The following IFFO2 variants were observed in gnomAD, a reference collection of about 807,000 sequenced individuals.
IFFO2 encodes the protein intermediate filament family orphan 2.
Under a neutral mutation model 53.5 loss-of-function variants are expected in IFFO2, and 19 were observed. The observed-to-expected ratio is 0.36, with a 90% CI of 0.25 to 0.52. The LOEUF is 0.52. IFFO2 is among the 20% of genes least tolerant of loss of function. The probability of loss-of-function intolerance (pLI) is 0.94; values close to 1 mark genes in which losing one functional copy is unlikely to be tolerated. For missense variants in IFFO2, 570 were observed against 727.4 expected, an observed-to-expected ratio of 0.78 and a Z score of 2.49; for synonymous variants, 303 against 313.6, an observed-to-expected ratio of 0.97 and a Z score of 0.36.
In IFFO2 at chr1:18,956,450, G is replaced by A. The variant is rs4912132; in HGVS notation, c.-118C>T. Reference sequence around the variant, plus strand: ...GCGCGGGCTCCAGCGCGGCCGGCCGGGCGGTTCCAGATGCGCGCCAGATGC... The same window carrying A: ...GCGCGGGCTCCAGCGCGGCCGGCCGAGCGGTTCCAGATGCGCGCCAGATGC... On this transcript the variant is annotated 5_prime_UTR_variant, in exon 1 of 9. Transcript: ENST00000455833. The surrounding 1 kb of genome is among the most constrained non-coding windows in gnomAD (Gnocchi z 6.4). The A allele has an allele frequency of 0.31, 49,202 of 160,414 alleles. 8,294 individuals are homozygous for A. Among genetic ancestry groups the A allele is most frequent in the East Asian group, 0.5 (2,709 of 5,436 alleles). The allele number at this position is 160,414 out of a possible 1,614,324, so 9.9% of individuals were successfully genotyped here.
rs929459908 is a variant in IFFO2, at chr1:18,916,076, G to T, written c.1103+827C>A. On this transcript the variant is annotated intron_variant, in intron 5 of 8. Transcript: ENST00000455833. This position sits in a 1 kb window ranked among gnomAD's most constrained non-coding sequence, Gnocchi z 4.3. ...GGAGGCAGAGGTTGCAGTGAGCCGA[G>T]ATCTGGCCGCTATACTCCAGTCTGG... Among the ~76,000 whole-genome samples, 2 of 151,914 alleles carry T rather than the reference G, an allele frequency of 1.3e-5. No homozygotes were observed. The highest frequency in any genetic ancestry group is 4.8e-5 in the African/African-American group (2 of 41,348).
chr1:18,929,663 G>C (rs61763672), intron 1 of IFFO2, among the ~76,000 whole-genome samples: 130,465 of 151,772 alleles, frequency 0.86, 56,321 homozygotes, highest in African/African-American at 0.92. Context: ...GGTGACTTGA[G>C]AGGTGAGAGG....
intron 1 of IFFO2, among the ~76,000 whole-genome samples, chr1:18,925,513 G>A (rs925257815): frequency 1.3e-5 from 2 of 152,170 alleles, no homozygotes; most frequent in African/African-American, 2.4e-5. Flanking sequence ...CACCGCCACC[G>A]GGGGCTGGCA....
intron 1 of IFFO2, among the ~76,000 whole-genome samples, chr1:18,950,937 C>T (rs1936652217): frequency 6.6e-6 from 1 of 152,182 alleles, no homozygotes; most frequent in African/African-American, 2.4e-5. Flanking sequence ...AACAGACATA[C>T]AAAAAGGTGG....
chr1:18,927,138 T>C (rs1936312553), intron 1 of IFFO2, among the ~76,000 whole-genome samples: 1 of 152,126 alleles, frequency 6.6e-6, no homozygotes. Flanking sequence ...AGGAAGGGGA[T>C]GGTGTGGGTA....
rs1288419272 is a variant in IFFO2, at chr1:18,936,911, G to A, written c.666-15790C>T. Among the ~76,000 whole-genome samples, 1 of 151,064 alleles carries A rather than the reference G, an allele frequency of 6.6e-6. No homozygotes were observed. Among genetic ancestry groups the A allele is most frequent in the African/African-American group, 2.4e-5 (1 of 41,088 alleles). On this transcript the variant is annotated intron_variant, in intron 1 of 8. Transcript: ENST00000455833. The surrounding 1 kb of genome is among the most constrained non-coding windows in gnomAD (Gnocchi z 4.5). ...AAAATGGGTGAGAATGACCCCACCTGGATTCAATGAGGATGTGCAAACACA... is the reference window on the plus strand; with the variant it reads ...AAAATGGGTGAGAATGACCCCACCTAGATTCAATGAGGATGTGCAAACACA...
At chr1:18,927,304 ACTCAGGTGAAGGGAAATGAG>A (rs1227856559) in intron 1 of IFFO2, among the ~76,000 whole-genome samples, 2 of 152,216 alleles carry the variant, frequency 1.3e-5, no homozygotes, top group African/African-American at 4.8e-5. Flanking sequence ...AGGCCGACTC[ACTCAGGTGAAGGGAAATGAG>A]CTCAGGTGAG....
rs71577809 is a variant in IFFO2, at chr1:18,946,409, C to CTTTTTT, written c.665+9253_665+9258dup. ...CGGTCAGATCTGGGCTTGCCACTTTCTTTTTTTTTTTTTTTTTTTTTTTGA... is the reference window on the plus strand; with the variant it reads ...CGGTCAGATCTGGGCTTGCCACTTTCTTTTTTTTTTTTTTTTTTTTTTTTTTTTTGA... On this transcript the variant is annotated intron_variant, in intron 1 of 8. Transcript: ENST00000455833. Among the ~76,000 whole-genome samples the CTTTTTT allele has an allele frequency of 1.0e-3, 96 of 96,476 alleles. 1 individual carries two copies. Among genetic ancestry groups the CTTTTTT allele is most frequent in the East Asian group, 1.2e-3 (4 of 3,204 alleles). The allele number at this position is 96,476 out of a possible 152,430, so 63.3% of individuals were successfully genotyped here. A position where few individuals can be genotyped will look rare whatever the true frequency, so the allele number is the denominator to read the frequency against.
rs772008026 is a variant in IFFO2 at position 18,919,856 on chromosome 1, T to G, written c.727-83A>C. ...GTCTGGACACCTGAGTCCAGAGCCC[T>G]AGGCACCCGATGTCCACCCCAGCTG... On this transcript the variant is annotated intron_variant, in intron 2 of 8. Coordinates refer to ENST00000455833, the MANE Select transcript of IFFO2 (RefSeq NM_001136265.2). The surrounding 1 kb of genome is among the most constrained non-coding windows in gnomAD (Gnocchi z 4.9). 1 of 951,102 alleles carries G rather than the reference T, an allele frequency of 1.1e-6. No individual in the cohort carries two copies. Among genetic ancestry groups the G allele is most frequent in the Non-Finnish European group, 1.6e-6 (1 of 621,174 alleles). The allele number at this position is 951,102 out of a possible 1,614,324, so 58.9% of individuals were successfully genotyped here.
In IFFO2 at chr1:18,945,268, C is replaced by T. The variant is rs150100511; in HGVS notation, c.665+10400G>A. Among the ~76,000 whole-genome samples, 374 of 152,160 alleles carry T rather than the reference C, an allele frequency of 2.5e-3. 1 individual carries two copies. The highest frequency in any genetic ancestry group is 8.8e-3 in the African/African-American group (364 of 41,506). ...ACCCAGACCTCCGAGACTCTCTGGT[C>T]GTGACTTTGCAACAAGCTTTCCCTA... On this transcript the variant is annotated intron_variant, in intron 1 of 8. Transcript: ENST00000455833.
chr1:18,951,779 C>T (rs1162494482), intron 1 of IFFO2, among the ~76,000 whole-genome samples: 2 of 152,298 alleles, frequency 1.3e-5, no homozygotes, highest in South Asian at 2.1e-4. Flanking sequence ...GCCAGCGCTG[C>T]CTATGCCTGG....
chr1:18,932,237 C>T (rs376909554), intron 1 of IFFO2, among the ~76,000 whole-genome samples: 6 of 152,228 alleles, frequency 3.9e-5, no homozygotes, highest in East Asian at 3.8e-4. Flanking sequence ...ACACAGGCTC[C>T]GAATAAACGG....
At position 18,925,857 on chromosome 1, in the gene IFFO2, T is replaced by A. The variant is rs61759278; in HGVS notation, c.666-4736A>T. On this transcript the variant is annotated intron_variant, in intron 1 of 8. Transcript: ENST00000455833. ...ATGGATGGATGGATGGATGGATTGG[T>A]TGGATGGATGGATGGATGGATGGAT... 1.5e-3 allele frequency among the ~76,000 whole-genome samples: 24 copies of A among 16,294 alleles called. 1 individual carries two copies. The highest frequency in any genetic ancestry group is 3.8e-3 in the East Asian group (2 of 528). The allele number at this position is 16,294 out of a possible 152,430, so 10.7% of individuals were successfully genotyped here.
chr1:18,936,194 C>T lies in IFFO2; in HGVS notation c.666-15073G>A, dbSNP rs1475084957. Reference sequence around the variant, plus strand: ...TGCAGCCCTGTCGCCTTAGATATGGCCACCCTGCCAGCCCCTCCCTGCCAG... The same window carrying T: ...TGCAGCCCTGTCGCCTTAGATATGGTCACCCTGCCAGCCCCTCCCTGCCAG... On this transcript the variant is annotated intron_variant, in intron 1 of 8. Transcript: ENST00000455833. The surrounding 1 kb of genome is among the most constrained non-coding windows in gnomAD (Gnocchi z 4.5). 6.6e-6 allele frequency among the ~76,000 whole-genome samples: 1 copy of T among 152,184 alleles called. No homozygotes were observed. Among genetic ancestry groups the T allele is most frequent in the Non-Finnish European group, 1.5e-5 (1 of 68,028 alleles).
At chr1:18,911,941 G>A in intron 6 of IFFO2, 22 bp downstream of exon 6, 9 of 1,551,244 alleles carry the variant, frequency 5.8e-6, no homozygotes, top group Non-Finnish European at 7.8e-6. Context: ...CTGGCCTTTG[G>A]GAAGCCAGGC....
rs1936446345 is a variant in IFFO2, at chr1:18,936,280, C to T, written c.666-15159G>A. On this transcript the variant is annotated intron_variant, in intron 1 of 8. Transcript: ENST00000455833. The surrounding 1 kb of genome is among the most constrained non-coding windows in gnomAD (Gnocchi z 4.5). ...CAACTCTGCTACTCTCTTCTCTGCACCTTGAAGCCTGGGCCTACCTTGCAT... is the reference window on the plus strand; with the variant it reads ...CAACTCTGCTACTCTCTTCTCTGCATCTTGAAGCCTGGGCCTACCTTGCAT... Among the ~76,000 whole-genome samples the T allele has an allele frequency of 6.6e-6, 1 of 152,226 alleles. No homozygotes were observed. Among genetic ancestry groups the T allele is most frequent in the African/African-American group, 2.4e-5 (1 of 41,452 alleles).
chr1:18,910,225 GGACA>G, intron 8 of IFFO2, 113 bp downstream of exon 8: 4 of 1,171,184 alleles, frequency 3.4e-6, no homozygotes, highest in Non-Finnish European at 4.8e-6. Flanking sequence ...ACGGACGGAC[GGACA>G]GATGGACGGA....
intron 1 of IFFO2, among the ~76,000 whole-genome samples, chr1:18,923,847 C>A (rs1215405732): frequency 6.6e-6 from 1 of 152,188 alleles, no homozygotes; most frequent in African/African-American, 2.4e-5. Flanking sequence ...AGTGGCCAGG[C>A]TCTGAAGACC....
chr1:18,915,398 G>A (rs1569835323), intron 5 of IFFO2, among the ~76,000 whole-genome samples: 1 of 140,864 alleles, frequency 7.1e-6, no homozygotes, highest in South Asian at 2.3e-4. Flanking sequence ...CTGATTTCCT[G>A]CAATGGCAAA....
Sources: allele counts gnomAD v4.1 joint callset (sites outside exome capture counted in the v4.1 genomes callset), GRCh38; gene constraint gnomAD v4.1.1; non-coding constraint Gnocchi (gnomAD v3.1); transcripts MANE v1.5; gene names NCBI Gene and HGNC (gene_info 2026-07-23, HGNC 2026-07-21).